The following FHIP1A variants were observed in gnomAD, a reference collection of about 807,000 sequenced individuals.
FHIP1A encodes FHF complex subunit HOOK-interacting protein 1A.
In FHIP1A, 61 loss-of-function variants were observed where a neutral mutation model predicts 88.6. The observed-to-expected ratio is 0.69, with a 90% CI of 0.56 to 0.85. FHIP1A has a LOEUF of 0.85. FHIP1A is among the 40% of genes least tolerant of loss of function. The probability of loss-of-function intolerance (pLI) is 0.00; values close to 1 mark genes in which losing one functional copy is unlikely to be tolerated. For missense variants in FHIP1A, 1,154 were observed against 1,273.5 expected (o/e 0.91, Z 1.43); for synonymous variants, 478 against 496.0 (o/e 0.96, Z 0.48).
At chr4:151,492,894 A>G (rs934162377) in intron 3 of FHIP1A, among the ~76,000 whole-genome samples, 9 of 152,214 alleles carry the variant, frequency 5.9e-5, no homozygotes, top group African/African-American at 1.7e-4. Flanking sequence ...GAAAGAGCAC[A>G]AATAGATAAT....
chr4:151,654,365 T>TC (rs907079709), intron 11 of FHIP1A, among the ~76,000 whole-genome samples: 1 of 151,700 alleles, frequency 6.6e-6, no homozygotes, highest in Non-Finnish European at 1.5e-5. Flanking sequence ...CTGTGGATGG[T>TC]CCCCCCTGGT....
At chr4:151,531,074 A>T (rs576894045) in intron 3 of FHIP1A, among the ~76,000 whole-genome samples, 1 of 152,232 alleles carries the variant, frequency 6.6e-6, no homozygotes, top group African/African-American at 2.4e-5. Flanking sequence ...TAGAGTTTGA[A>T]GTATTTCAAG....
At chr4:151,594,511 G>A (rs767221902) in intron 7 of FHIP1A, among the ~76,000 whole-genome samples, 48 of 151,936 alleles carry the variant, frequency 3.2e-4, no homozygotes, top group Non-Finnish European at 3.8e-4. Flanking sequence ...GTTTATTTGC[G>A]TAGAGGTGTT....
At chr4:151,413,246 T>G (rs551312449) in intron 1 of FHIP1A, among the ~76,000 whole-genome samples, 37 of 152,210 alleles carry the variant, frequency 2.4e-4, no homozygotes, top group African/African-American at 8.4e-4. Context: ...TGTCTAAAAT[T>G]GAAAAACTCT....
intron 3 of FHIP1A, among the ~76,000 whole-genome samples, chr4:151,526,572 G>A (rs1283803692): frequency 4.3e-5 from 6 of 140,798 alleles, no homozygotes; most frequent in Non-Finnish European, 6.2e-5. Context: ...GGGCAGAGGC[G>A]CCCCTCACCT....
At chr4:151,511,076 C>G (rs1044806609) in intron 3 of FHIP1A, among the ~76,000 whole-genome samples, 2 of 152,094 alleles carry the variant, frequency 1.3e-5, no homozygotes, top group Non-Finnish European at 2.9e-5. Flanking sequence ...TGGAAGGAGA[C>G]CCTGAATTCC....
At chr4:151,597,334 T>A (rs1734688629) in intron 7 of FHIP1A, among the ~76,000 whole-genome samples, 1 of 152,154 alleles carries the variant, frequency 6.6e-6, no homozygotes, top group African/African-American at 2.4e-5. Context: ...CCAGACCCTG[T>A]TTGCCTAGTT....
At chr4:151,585,247 G>T (rs1207482766) in intron 5 of FHIP1A, among the ~76,000 whole-genome samples, 1 of 151,790 alleles carries the variant, frequency 6.6e-6, no homozygotes, top group Non-Finnish European at 1.5e-5. Flanking sequence ...GTCCAATCTC[G>T]GCTCACTGCA....
At chr4:151,572,728 G>C (rs548663282) in intron 4 of FHIP1A, among the ~76,000 whole-genome samples, 67 of 152,258 alleles carry the variant, frequency 4.4e-4, no homozygotes, top group African/African-American at 1.5e-3. Context: ...TGGAAGTATG[G>C]GTTTTACACA....
intron 4 of FHIP1A, among the ~76,000 whole-genome samples, chr4:151,571,806 G>C (rs977025805): frequency 2.0e-5 from 3 of 152,194 alleles, no homozygotes; most frequent in Non-Finnish European, 4.4e-5. Flanking sequence ...TCTCTTCCAA[G>C]ACTTACAGGT....
intron 8 of FHIP1A, among the ~76,000 whole-genome samples, chr4:151,637,576 G>A (rs780960189): frequency 1.2e-4 from 18 of 152,132 alleles, no homozygotes; most frequent in Non-Finnish European, 2.1e-4. Context: ...GGATAAGAAG[G>A]AAACCTAACT....
chr4:151,420,475 T>C (rs899387756), intron 1 of FHIP1A, among the ~76,000 whole-genome samples: 2 of 152,188 alleles, frequency 1.3e-5, no homozygotes, highest in Non-Finnish European at 2.9e-5. Context: ...CCTTCCTCTT[T>C]CCAGTTATTT....
chr4:151,592,103 T>A (rs1195660304), intron 7 of FHIP1A, among the ~76,000 whole-genome samples: 1 of 152,210 alleles, frequency 6.6e-6, no homozygotes, highest in East Asian at 1.9e-4. Flanking sequence ...AGTGCTCCTA[T>A]TTCTCCACAT....
intron 3 of FHIP1A, among the ~76,000 whole-genome samples, chr4:151,506,150 C>T (rs1020892730): frequency 6.6e-6 from 1 of 152,012 alleles, no homozygotes; most frequent in African/African-American, 2.4e-5. Context: ...TCTAACATTC[C>T]CCCTGTCTTG....
Position 151,577,640 on chromosome 4 carries a change from A to G in FHIP1A, c.296A>G (p.Glu99Gly). 1 of 1,551,740 alleles carries G rather than the reference A, an allele frequency of 6.4e-7. No individual in the cohort carries two copies. Among genetic ancestry groups the G allele is most frequent in the Non-Finnish European group, 8.7e-7 (1 of 1,146,970 alleles). The stretch of plus-strand genomic sequence containing the variant: ...TTTGTGGTCTCTGAGAACATCATGG[A>G]GAAACTTTTCCTTTGGAGCTTGAGA... Reference protein sequence around the residue: ...LEFVVSENIMEKLFLWSLRRE... With the variant: ...LEFVVSENIMGKLFLWSLRRE... Residue 99 changes from glutamate (E) to glycine (G), a missense_variant, in exon 5 of 14, where the codon GAG (glutamate) becomes GGG (glycine). Transcript: ENST00000435205.
intron 1 of FHIP1A, among the ~76,000 whole-genome samples, chr4:151,421,285 T>G (rs1176463968): frequency 6.6e-6 from 1 of 152,214 alleles, no homozygotes; most frequent in East Asian, 1.9e-4. Flanking sequence ...AGTGTGACTC[T>G]TCTTATTTTT....
Position 151,577,957 on chromosome 4 carries a change from A to T in FHIP1A, c.613A>T (p.Ile205Phe). Residue 205 changes from isoleucine (I) to phenylalanine (F), a missense_variant, in exon 5 of 14, where the codon ATT becomes TTT. Ile to Phe is a conservative substitution (Grantham distance 21, BLOSUM62 0). Transcript: ENST00000435205. ...CATCTTCTCCCTTCTGATTCCCTTC[A>T]TTCACCGAGAGGGGTCAGTAGGCCA... ...FLIFSLLIPF[I>F]HREGSVGQQA... The T allele has an allele frequency of 6.4e-7, 1 of 1,551,226 alleles. No individual in the cohort carries two copies. The highest frequency in any genetic ancestry group is 8.7e-7 in the Non-Finnish European group (1 of 1,146,900).
intron 1 of FHIP1A, among the ~76,000 whole-genome samples, chr4:151,442,353 A>G (rs1388061755): frequency 6.6e-6 from 1 of 152,124 alleles, no homozygotes; most frequent in East Asian, 1.9e-4. Flanking sequence ...AATCAACAGA[A>G]AAACCCCCCA....
At chr4:151,527,558 AGAGAGGGAGAGG>A (rs759730701) in intron 3 of FHIP1A, among the ~76,000 whole-genome samples, 1 of 151,878 alleles carries the variant, frequency 6.6e-6, no homozygotes, top group Non-Finnish European at 1.5e-5. Flanking sequence ...AGAGCGAGAG[AGAGAGGGAGAGG>A]GAGAGGGAGA....
Sources: gnomAD v4.1 joint callset for allele counts (sites outside exome capture counted in the v4.1 genomes callset) on GRCh38, gnomAD v4.1.1 for gene constraint, MANE v1.5 for transcripts, NCBI Gene and HGNC (gene_info 2026-07-23, HGNC 2026-07-21) for gene names.